Variants in COL14A1 observed in about 807,000 individuals in gnomAD.
COL14A1 encodes the protein collagen alpha-1(XIV) chain.
Under a neutral mutation model 230.3 loss-of-function variants are expected in COL14A1, and 136 were observed. The ratio of observed to expected loss-of-function variants is 0.59; its 90% CI spans 0.51 to 0.68. The LOEUF is 0.68. Ranked by LOEUF, COL14A1 falls within the 30% of genes least tolerant of loss-of-function variation. The pLI is 0.00. For missense variants in COL14A1, 1,976 were observed against 2,215.8 expected, an observed-to-expected ratio of 0.89 and a Z score of 2.17; for synonymous variants, 792 against 784.1, an observed-to-expected ratio of 1.01 and a Z score of -0.17.
intron 44 of COL14A1, among the ~76,000 whole-genome samples, chr8:120,343,387 A>G (rs1822381932): frequency 6.6e-6 from 1 of 152,194 alleles, no homozygotes; most frequent in Admixed American, 6.5e-5. Context: ...GCTTGGGGTT[A>G]TATTTATTTT....
rs368117619 is a variant in COL14A1, at chr8:120,227,353, G to A, written c.2137+1G>A. On this transcript the variant is annotated splice_donor_variant, in intron 17 of 47. Coordinates refer to ENST00000297848, the MANE Select transcript of COL14A1 (RefSeq NM_021110.4). LOFTEE classifies it high-confidence loss of function. The stretch of plus-strand genomic sequence containing the variant: ...GTGGTGACTGCTGTCGGGACCACAC[G>A]TAAGTCTTGGTCTGGCCACAGTGCG... 2.5e-5 allele frequency: 41 copies of A among 1,613,182 alleles called. No individual in the cohort carries two copies. The highest frequency in any genetic ancestry group is 4.0e-5 in the African/African-American group (3 of 74,884).
At chr8:120,347,379 CAG>C (rs1408244003) in intron 45 of COL14A1, among the ~76,000 whole-genome samples, 1 of 152,052 alleles carries the variant, frequency 6.6e-6, no homozygotes, top group Non-Finnish European at 1.5e-5. Context: ...GACAGTAAGA[CAG>C]AAAGTGAGAA....
intron 38 of COL14A1, among the ~76,000 whole-genome samples, chr8:120,314,419 C>G (rs1563732994): frequency 6.6e-6 from 1 of 152,132 alleles, no homozygotes; most frequent in East Asian, 1.9e-4. Context: ...TTAATAAAAG[C>G]CATTTATTCA....
intron 28 of COL14A1, 108 bp downstream of exon 28, chr8:120,278,686 T>A: frequency 8.8e-7 from 1 of 1,138,076 alleles, no homozygotes; most frequent in African/African-American, 1.6e-5. Flanking sequence ...TTAAAATATT[T>A]CTTCATATTA....
intron 40 of COL14A1, among the ~76,000 whole-genome samples, chr8:120,324,487 C>T (rs1454294072): frequency 1.3e-5 from 2 of 152,126 alleles, no homozygotes; most frequent in Non-Finnish European, 1.5e-5. Flanking sequence ...TAATCTTTTG[C>T]TGCAAGAAGC....
chr8:120,252,922 G>A (rs1356170314), intron 22 of COL14A1, among the ~76,000 whole-genome samples: 2 of 152,162 alleles, frequency 1.3e-5, no homozygotes, highest in Non-Finnish European at 2.9e-5. Flanking sequence ...GGAATATCTT[G>A]AGACCTTAAA....
chr8:120,332,516 T>C (rs1223723081), intron 41 of COL14A1, 148 bp from the exon 42 acceptor site: 5 of 666,566 alleles, frequency 7.5e-6, no homozygotes, highest in Non-Finnish European at 1.3e-5. Flanking sequence ...CCTCCGTTTT[T>C]GGGAGTTGGG....
Position 120,196,940 on chromosome 8 carries a change from C to T in COL14A1, c.586C>T (p.Arg196Ter), listed in dbSNP as rs1047344104. 2.5e-6 allele frequency: 4 copies of T among 1,613,584 alleles called. No homozygotes were observed. The highest frequency in any genetic ancestry group is 2.2e-5 in the South Asian group (2 of 90,942). Residue 196 changes from arginine to a stop codon, truncating the protein, a stop_gained, in exon 6 of 48, where the codon CGA becomes TGA. Transcript: ENST00000297848. LOFTEE classifies it high-confidence loss of function. The part of the protein sequence containing the change: ...TAFDVGSEKT[R>*]IGLAQYSGDP... ...ATTCGATGTGGGCTCAGAGAAGACA[C>T]GAATTGGTATAATTTCTATTATTAG...
intron 44 of COL14A1, among the ~76,000 whole-genome samples, chr8:120,344,538 A>G (rs907306185): frequency 1.3e-5 from 2 of 152,240 alleles, no homozygotes; most frequent in Non-Finnish European, 2.9e-5. Flanking sequence ...TACTAATAAC[A>G]TTGAGTCATC....
chr8:120,168,092 TA>T, intron 4 of COL14A1, 68 bp from the exon 5 acceptor site: 1 of 1,132,002 alleles, frequency 8.8e-7, no homozygotes, highest in Non-Finnish European at 1.3e-6. Flanking sequence ...AGGGTTTTAG[TA>T]AAACTCACTG....
intron 23 of COL14A1, among the ~76,000 whole-genome samples, chr8:120,261,913 A>G (rs1337375993): frequency 6.6e-6 from 1 of 152,130 alleles, no homozygotes; most frequent in Non-Finnish European, 1.5e-5. Flanking sequence ...GTCAAGGCTG[A>G]GAGGGAGATA....
chr8:120,280,913 T>G lies in COL14A1; in HGVS notation c.3686-8T>G. The G allele has an allele frequency of 6.6e-7, 1 of 1,515,598 alleles. No homozygotes were observed. The highest frequency in any genetic ancestry group is 1.2e-5 in the South Asian group (1 of 80,084). The allele number at this position is 1,515,598 out of a possible 1,614,324, so 93.9% of individuals were successfully genotyped here. On this transcript the variant is annotated splice_region_variant and splice_polypyrimidine_tract_variant and intron_variant, in intron 30 of 47. Transcript: ENST00000297848. Reference sequence around the variant, plus strand: ...TTTATTCTTTTTCTACTTTTTTTTTTTTTTTAGGATTTAAGATGATGGAAA... The same window carrying G: ...TTTATTCTTTTTCTACTTTTTTTTTGTTTTTAGGATTTAAGATGATGGAAA...
intron 20 of COL14A1, 79 bp from the exon 21 acceptor site, chr8:120,247,534 A>T (rs937744980): frequency 1.5e-6 from 2 of 1,316,026 alleles, no homozygotes. Context: ...AAGATGTCTT[A>T]TATTTTGATG....
At chr8:120,179,660 G>T (rs937466526) in intron 5 of COL14A1, among the ~76,000 whole-genome samples, 5 of 151,636 alleles carry the variant, frequency 3.3e-5, no homozygotes, top group Non-Finnish European at 7.4e-5. Context: ...GCTACCATTA[G>T]AATTAGAAAA....
intron 19 of COL14A1, among the ~76,000 whole-genome samples, chr8:120,237,819 G>A (rs1267556723): frequency 6.6e-6 from 1 of 152,154 alleles, no homozygotes; most frequent in African/African-American, 2.4e-5. Context: ...TTTTGTTGAT[G>A]TTGATGCTAT....
At chr8:120,277,134 T>G (rs190231951) in intron 26 of COL14A1, among the ~76,000 whole-genome samples, 2 of 152,138 alleles carry the variant, frequency 1.3e-5, no homozygotes, top group African/African-American at 4.8e-5. Context: ...CAGAAAGCTT[T>G]GTATAGTAGT....
intron 24 of COL14A1, among the ~76,000 whole-genome samples, chr8:120,264,821 C>G (rs1477597655): frequency 2.0e-5 from 3 of 152,104 alleles, no homozygotes; most frequent in Admixed American, 1.3e-4. Context: ...AATGTTCACG[C>G]TAAGTTCTTT....
chr8:120,257,040 T>C (rs1416715756), intron 23 of COL14A1, among the ~76,000 whole-genome samples: 1 of 152,236 alleles, frequency 6.6e-6, no homozygotes, highest in African/African-American at 2.4e-5. Flanking sequence ...TTTAGCATAT[T>C]TGCAAAGCAG....
chr8:120,332,148 C>T lies in COL14A1; in HGVS notation c.4667C>T (p.Pro1556Leu), dbSNP rs199850589. The T allele has an allele frequency of 2.2e-4, 359 of 1,614,006 alleles. No individual in the cohort carries two copies. Among genetic ancestry groups the T allele is most frequent in the Non-Finnish European group, 2.8e-4 (332 of 1,179,954 alleles). Residue 1556 changes from proline (P) to leucine (L), a missense_variant, in exon 41 of 48, where the codon CCG (proline) becomes CTG (leucine). Physicochemically the swap from Pro to Leu is moderately conservative, Grantham distance 98. Coordinates refer to ENST00000297848, the MANE Select transcript of COL14A1 (RefSeq NM_021110.4). The part of the protein sequence containing the change: ...RDGSPGQRGL[P>L]GKDGSSGPPG... ...TGTGTTTCTTTTCGCCAGGGCCTTC[C>T]GGGAAAGGATGGATCCTCGGGACCT...
Sources: gnomAD v4.1 joint callset for allele counts (sites outside exome capture counted in the v4.1 genomes callset) on GRCh38, gnomAD v4.1.1 for gene constraint, MANE v1.5 for transcripts, NCBI Gene and HGNC (gene_info 2026-07-23, HGNC 2026-07-21) for gene names.